Variants in DLGAP3 observed in about 807,000 individuals in gnomAD.
DLGAP3 encodes disks large-associated protein 3.
A neutral mutation model predicts 81.2 loss-of-function variants in DLGAP3; 17 were observed. That is an observed-to-expected ratio of 0.21 (90% CI 0.14 to 0.31). The LOEUF is 0.31. Among genes scored for constraint, DLGAP3 ranks in the 10% least tolerant of loss-of-function variants. The pLI, the probability that DLGAP3 is intolerant of heterozygous loss-of-function variation, is 1.00. For missense variants in DLGAP3, 1,124 were observed against 1,388.0 expected, an observed-to-expected ratio of 0.81 and a Z score of 3.02; for synonymous variants, 577 against 587.4, an observed-to-expected ratio of 0.98 and a Z score of 0.26.
intron 8 of DLGAP3, among the ~76,000 whole-genome samples, chr1:34,879,106 C>CG (rs986276716): frequency 3.3e-5 from 5 of 150,354 alleles, no homozygotes; most frequent in African/African-American, 1.2e-4. Flanking sequence ...CCAGAAGCTG[C>CG]GGGGGGGCAT....
intron 5 of DLGAP3, among the ~76,000 whole-genome samples, chr1:34,891,626 TA>T (rs1231715175): frequency 6.6e-6 from 1 of 152,036 alleles, no homozygotes; most frequent in African/African-American, 2.4e-5. Flanking sequence ...TGGTGAAGAG[TA>T]AAAGCCAGGG....
chr1:34,923,188 C>G (rs1228417848), intron 1 of DLGAP3, among the ~76,000 whole-genome samples: 1 of 151,994 alleles, frequency 6.6e-6, no homozygotes, highest in Non-Finnish European at 1.5e-5. Context: ...GGGTAAAGGT[C>G]TAACACTCTC....
intron 1 of DLGAP3, among the ~76,000 whole-genome samples, chr1:34,928,060 T>C (rs1441798104): frequency 2.0e-5 from 3 of 152,212 alleles, no homozygotes; most frequent in Non-Finnish European, 4.4e-5. Flanking sequence ...GTGATACCTG[T>C]CCTGCCTGCT....
intron 1 of DLGAP3, among the ~76,000 whole-genome samples, chr1:34,926,986 T>C (rs939257660): frequency 6.6e-6 from 1 of 152,126 alleles, no homozygotes; most frequent in Non-Finnish European, 1.5e-5. Context: ...GAAGAGATGA[T>C]GTTAGGTGTC....
chr1:34,909,344 G>A (rs1639606787), intron 1 of DLGAP3, among the ~76,000 whole-genome samples: 1 of 152,142 alleles, frequency 6.6e-6, no homozygotes, highest in Non-Finnish European at 1.5e-5. Context: ...CCTTTACCCA[G>A]ATCCTACAGG....
chr1:34,909,153 G>A (rs1369547797), intron 1 of DLGAP3, among the ~76,000 whole-genome samples: 2 of 152,204 alleles, frequency 1.3e-5, no homozygotes, highest in Non-Finnish European at 2.9e-5. Context: ...CCCAGGGGTG[G>A]ACATTCCCAG....
intron 7 of DLGAP3, 115 bp from the exon 8 acceptor site, chr1:34,885,178 C>T: frequency 1.9e-6 from 2 of 1,039,924 alleles, no homozygotes; most frequent in East Asian, 2.5e-5. Flanking sequence ...CTGCAAAGAC[C>T]ATCTGCCTGA....
At chr1:34,884,067 T>C (rs1010313578) in intron 8 of DLGAP3, among the ~76,000 whole-genome samples, 2 of 151,998 alleles carry the variant, frequency 1.3e-5, no homozygotes, top group African/African-American at 4.8e-5. Context: ...TACAGGAGTG[T>C]GCCACCATGC....
At chr1:34,872,337 T>C (rs917932705) in intron 8 of DLGAP3, among the ~76,000 whole-genome samples, 3 of 152,162 alleles carry the variant, frequency 2.0e-5, no homozygotes, top group African/African-American at 7.2e-5. Flanking sequence ...TGGGGGCAGA[T>C]GCAGACTGCA....
rs1638858492 is a variant in DLGAP3, at chr1:34,865,573, T to G, written c.*510A>C. The G allele has an allele frequency of 1.0e-5, 2 of 193,032 alleles. No individual in the cohort carries two copies. Among genetic ancestry groups the G allele is most frequent in the South Asian group, 1.4e-4 (2 of 13,978 alleles). 12.0% of individuals were successfully genotyped at this position (193,032 alleles called of 1,614,324 possible). A position where few individuals can be genotyped will look rare whatever the true frequency, so the allele number is the denominator to read the frequency against. The stretch of plus-strand genomic sequence containing the variant: ...AGGCCCAGGCGCCCTGGTCCTGGGT[T>G]GGTCCAGCCACTGTGGTCCCTGGGC... On this transcript the variant is annotated 3_prime_UTR_variant, in exon 12 of 12. Coordinates refer to ENST00000373347, the MANE Select transcript of DLGAP3 (RefSeq NM_001080418.3).
chr1:34,899,849 C>G (rs915422558), intron 4 of DLGAP3, 108 bp from the exon 5 acceptor site: 21 of 1,120,206 alleles, frequency 1.9e-5, no homozygotes, highest in South Asian at 7.6e-5. Context: ...TCAGAACCCC[C>G]AAAGAGAGAT....
Position 34,868,574 on chromosome 1 carries a change from A to G in DLGAP3, c.2485+31T>C, listed in dbSNP as rs1399887536. ...GAGCACACACGAGGCCATGGTCCCCAGAGTCCCCTTGTTCCGATGCCGTGA... is the reference window on the plus strand; with the variant it reads ...GAGCACACACGAGGCCATGGTCCCCGGAGTCCCCTTGTTCCGATGCCGTGA... On this transcript the variant is annotated intron_variant, in intron 9 of 11. Coordinates refer to ENST00000373347, the MANE Select transcript of DLGAP3 (RefSeq NM_001080418.3). The surrounding 1 kb of genome is among the most constrained non-coding windows in gnomAD (Gnocchi z 7.5). The G allele has an allele frequency of 6.3e-7, 1 of 1,583,290 alleles. No individual in the cohort carries two copies. Among genetic ancestry groups the G allele is most frequent in the African/African-American group, 1.3e-5 (1 of 74,434 alleles).
At chr1:34,898,379 AG>A (rs773391061) in intron 5 of DLGAP3, among the ~76,000 whole-genome samples, 3 of 152,234 alleles carry the variant, frequency 2.0e-5, no homozygotes, top group Non-Finnish European at 4.4e-5. Flanking sequence ...TCAGGAAGGA[AG>A]GAGTCTTCAA....
rs146061437 is a variant in DLGAP3 at position 34,905,890 on chromosome 1, C to T, written c.-51-456G>A. Among the ~76,000 whole-genome samples, 285 of 151,224 alleles carry T rather than the reference C, an allele frequency of 1.9e-3. 1 individual carries two copies. The highest frequency in any genetic ancestry group is 5.6e-3 in the African/African-American group (232 of 41,274). On this transcript the variant is annotated intron_variant, in intron 2 of 11. Transcript: ENST00000373347. ...ATGTGGTGGCATATGCCTGTAGTCCCAGCTACTTGGGAAGCTGAGAAGGGA... is the reference window on the plus strand; with the variant it reads ...ATGTGGTGGCATATGCCTGTAGTCCTAGCTACTTGGGAAGCTGAGAAGGGA...
At chr1:34,883,247 G>C (rs546931398) in intron 8 of DLGAP3, among the ~76,000 whole-genome samples, 63 of 152,200 alleles carry the variant, frequency 4.1e-4, no homozygotes, top group Non-Finnish European at 6.6e-4. Context: ...ATTTAACACA[G>C]TGCATAGGAG....
rs112280156 is a variant in DLGAP3, at chr1:34,900,812, C to T, written c.1108-539G>A. ...GGCAGAGGCTCAAGTGGCGAGAGGA[C>T]GACCAATTAGGAGGCTGATGCTGTT... On this transcript the variant is annotated intron_variant, in intron 3 of 11. Coordinates refer to ENST00000373347, the MANE Select transcript of DLGAP3 (RefSeq NM_001080418.3). The surrounding 1 kb of genome is among the most constrained non-coding windows in gnomAD (Gnocchi z 5.6). 2.6e-5 allele frequency among the ~76,000 whole-genome samples: 4 copies of T among 152,158 alleles called. No homozygotes were observed. The South Asian group carries it at 6.2e-4, about 24-fold the overall frequency.
chr1:34,868,598 G>T lies in DLGAP3; in HGVS notation c.2485+7C>A. On this transcript the variant is annotated splice_region_variant and intron_variant, in intron 9 of 11. Transcript: ENST00000373347. This position sits in a 1 kb window ranked among gnomAD's most constrained non-coding sequence, Gnocchi z 7.5. ...CAGAGTCCCCTTGTTCCGATGCCGT[G>T]ACTCACTCTCCTCGGGTAGCTCATA... The T allele has an allele frequency of 6.2e-7, 1 of 1,610,856 alleles. No individual in the cohort carries two copies. The highest frequency in any genetic ancestry group is 1.1e-5 in the South Asian group (1 of 91,032).
chr1:34,878,241 G>A (rs1639088285), intron 8 of DLGAP3, among the ~76,000 whole-genome samples: 1 of 152,144 alleles, frequency 6.6e-6, no homozygotes, highest in Non-Finnish European at 1.5e-5. Context: ...CAGGAAGCGA[G>A]GTTGCAGTGA....
chr1:34,878,683 A>C (rs574381598), intron 8 of DLGAP3, among the ~76,000 whole-genome samples: 1 of 152,356 alleles, frequency 6.6e-6, no homozygotes, highest in Admixed American at 6.5e-5. Flanking sequence ...AAAAAAAGAT[A>C]AACATTTGAA....
Sources: gnomAD v4.1 joint callset for allele counts (sites outside exome capture counted in the v4.1 genomes callset) on GRCh38, gnomAD v4.1.1 for gene constraint, Gnocchi (gnomAD v3.1) non-coding constraint, MANE v1.5 for transcripts, NCBI Gene and HGNC (gene_info 2026-07-23, HGNC 2026-07-21) for gene names.